OXNAD1: variants seen among roughly 807,000 people sequenced by gnomAD.
OXNAD1 encodes the protein oxidoreductase NAD-binding domain-containing protein 1.
Under a neutral mutation model 32.9 loss-of-function variants are expected in OXNAD1, and 34 were observed. That is an observed-to-expected ratio of 1.03 (90% CI 0.79 to 1.38). The LOEUF (loss-of-function observed/expected upper bound fraction) is 1.38. Ranked by LOEUF, OXNAD1 falls within the 40% of genes most tolerant of loss-of-function variation. OXNAD1 has a pLI of 0.00. For missense variants in OXNAD1, 407 were observed against 379.4 expected (o/e 1.07, Z -0.60); for synonymous variants, 134 against 135.2 (o/e 0.99, Z 0.06).
rs1276574586 is a variant in OXNAD1 at position 16,297,785 on chromosome 3, TATA to T, written c.432+2791_432+2793del. 6.6e-6 allele frequency among the ~76,000 whole-genome samples: 1 copy of T among 152,194 alleles called. No individual in the cohort carries two copies. Among genetic ancestry groups the T allele is most frequent in the Non-Finnish European group, 1.5e-5 (1 of 68,034 alleles). ...TTTGTCACATTCTGGAAGACAAAGATATAATGATGGGAAACCAGTGGTTGACTG... is the reference window on the plus strand; with the variant it reads ...TTTGTCACATTCTGGAAGACAAAGATATGATGGGAAACCAGTGGTTGACTG... On this transcript the variant is annotated intron_variant, in intron 6 of 8. Transcript: ENST00000285083. The surrounding 1 kb of genome is among the most constrained non-coding windows in gnomAD (Gnocchi z 4.3).
Position 16,299,277 on chromosome 3 carries a change from G to A in OXNAD1, c.433-2349G>A, listed in dbSNP as rs1016829681. Among the ~76,000 whole-genome samples, 4 of 152,204 alleles carry A rather than the reference G, an allele frequency of 2.6e-5. No homozygotes were observed. The highest frequency in any genetic ancestry group is 7.2e-5 in the African/African-American group (3 of 41,440). ...ATAGGAGATGAAATTCATTGTCATC[G>A]TTAGGCAGAGCCTCTTGTATCTTAA... On this transcript the variant is annotated intron_variant, in intron 6 of 8. Transcript: ENST00000285083. The surrounding 1 kb of genome is among the most constrained non-coding windows in gnomAD (Gnocchi z 4.4).
At chr3:16,328,437 A>G (rs1021720085) in intron 9 of OXNAD1, among the ~76,000 whole-genome samples, 2 of 152,246 alleles carry the variant, frequency 1.3e-5, no homozygotes, top group Admixed American at 6.5e-5. Flanking sequence ...TGGAAGGCAG[A>G]GGAGGAACAA....
In OXNAD1 at chr3:16,316,120, T is replaced by C. The variant is rs946691569; in HGVS notation, c.*30+12528T>C. 4 of 152,956 alleles carry C rather than the reference T, an allele frequency of 2.6e-5. No individual in the cohort carries two copies. The Admixed American group carries it at 2.6e-4, about 10-fold the overall frequency. 9.5% of individuals were successfully genotyped at this position (152,956 alleles called of 1,614,324 possible). ...AGTGACAGAAGTAATGTGGTTTGTA[T>C]GATGTGCTGAGTACAAAACCTTTAA... is the stretch of plus-strand genomic sequence containing the variant. On this transcript the variant is annotated intron_variant, in intron 9 of 9. Coordinates refer to the OXNAD1 transcript ENST00000435829. This position sits in a 1 kb window ranked among gnomAD's most constrained non-coding sequence, Gnocchi z 4.5.
At chr3:16,283,268 C>G (rs1311290423) in intron 4 of OXNAD1, among the ~76,000 whole-genome samples, 3 of 152,100 alleles carry the variant, frequency 2.0e-5, no homozygotes, top group Non-Finnish European at 4.4e-5. Flanking sequence ...GCACCATGCT[C>G]AATAAGTGTT....
At chr3:16,326,547 C>T (rs1441534243) in intron 9 of OXNAD1, among the ~76,000 whole-genome samples, 1 of 152,200 alleles carries the variant, frequency 6.6e-6, no homozygotes, top group African/African-American at 2.4e-5. Context: ...GCAGTAATGA[C>T]TCACAGGGCC....
chr3:16,336,674 T>A lies in OXNAD1; in HGVS notation c.*31-438T>A, dbSNP rs55956042. On this transcript the variant is annotated intron_variant, in intron 9 of 9. Transcript: ENST00000435829. The surrounding 1 kb of genome is among the most constrained non-coding windows in gnomAD (Gnocchi z 6.0). ...GTTCAAAGAGAATAATTTTTTTTTT[T>A]TAAAAAAGCTTAGTTCTTAGATGCA... Among the ~76,000 whole-genome samples the A allele has an allele frequency of 0.058, 8,749 of 152,122 alleles. 260 individuals are homozygous for A. Among genetic ancestry groups the A allele is most frequent in the Middle Eastern group, 0.095 (28 of 294 alleles).
chr3:16,269,991 G>A (rs2064813171), intron 2 of OXNAD1, among the ~76,000 whole-genome samples: 1 of 152,200 alleles, frequency 6.6e-6, no homozygotes, highest in African/African-American at 2.4e-5. Context: ...CTCCTAATCA[G>A]TGCTTTTCTT....
chr3:16,281,274 C>T (rs1181254706), intron 4 of OXNAD1, among the ~76,000 whole-genome samples: 1 of 152,070 alleles, frequency 6.6e-6, no homozygotes, highest in East Asian at 1.9e-4. Context: ...TTTTATGTTC[C>T]AGATATAGAT....
At chr3:16,333,726 GA>G (rs930636954) in intron 9 of OXNAD1, among the ~76,000 whole-genome samples, 7 of 150,814 alleles carry the variant, frequency 4.6e-5, no homozygotes, top group African/African-American at 9.7e-5. Flanking sequence ...TCATATTACA[GA>G]AAAAAAAGGG....
intron 1 of OXNAD1, among the ~76,000 whole-genome samples, chr3:16,268,032 C>T (rs141972567): frequency 1.7e-4 from 26 of 152,276 alleles, no homozygotes; most frequent in African/African-American, 6.0e-4. Flanking sequence ...TGTGAGGATA[C>T]AGACATTGAT....
At chr3:16,307,171 C>T (rs889207401), downstream of OXNAD1, among the ~76,000 whole-genome samples, 5 of 152,172 alleles carry the variant, frequency 3.3e-5, no homozygotes, top group Non-Finnish European at 7.3e-5. Flanking sequence ...AACCTTTAGA[C>T]GACCAGTGAG....
At chr3:16,274,289 G>A (rs890302847) in intron 4 of OXNAD1, among the ~76,000 whole-genome samples, 6 of 151,850 alleles carry the variant, frequency 4.0e-5, no homozygotes, top group East Asian at 1.9e-4. Context: ...AGTATGTTAA[G>A]CTTAAATGAC....
Position 16,316,660 on chromosome 3 carries a change from G to C in OXNAD1, c.*30+13068G>C, listed in dbSNP as rs2068425495. 2.7e-6 allele frequency: 2 copies of C among 747,128 alleles called. No homozygotes were observed. Among genetic ancestry groups the C allele is most frequent in the Non-Finnish European group, 4.6e-6 (2 of 438,788 alleles). The allele number at this position is 747,128 out of a possible 1,614,324, so 46.3% of individuals were successfully genotyped here. A position where few individuals can be genotyped will look rare whatever the true frequency, so the allele number is the denominator to read the frequency against. ...CAGTGGATGTGCAAAAACCAACACTGTCAGGAACCTGGCCCTGGGAGGGCT... is the reference window on the plus strand; with the variant it reads ...CAGTGGATGTGCAAAAACCAACACTCTCAGGAACCTGGCCCTGGGAGGGCT... On this transcript the variant is annotated intron_variant, in intron 9 of 9. Transcript: ENST00000435829. This position sits in a 1 kb window ranked among gnomAD's most constrained non-coding sequence, Gnocchi z 4.5.
rs2067321357 is a variant in OXNAD1, at chr3:16,303,382, T to G, written c.785-26T>G. ...CTGATACAACCATGTCTGGCTTAAT[T>G]TGGTGTTTATTCTGGTTTTTGGTAG... On this transcript the variant is annotated intron_variant, in intron 8 of 8. Transcript: ENST00000285083. This position sits in a 1 kb window ranked among gnomAD's most constrained non-coding sequence, Gnocchi z 4.8. 1 of 1,611,460 alleles carries G rather than the reference T, an allele frequency of 6.2e-7. No homozygotes were observed. Among genetic ancestry groups the G allele is most frequent in the Non-Finnish European group, 8.5e-7 (1 of 1,178,404 alleles).
At chr3:16,306,414 C>T (rs2067564491), downstream of OXNAD1, among the ~76,000 whole-genome samples, 1 of 152,144 alleles carries the variant, frequency 6.6e-6, no homozygotes, top group Non-Finnish European at 1.5e-5. Flanking sequence ...AGATACATCA[C>T]CTCAGCACAA....
At chr3:16,300,355 A>G (rs1254720525) in intron 6 of OXNAD1, among the ~76,000 whole-genome samples, 1 of 152,262 alleles carries the variant, frequency 6.6e-6, no homozygotes, top group East Asian at 1.9e-4. Flanking sequence ...ATTCCTAAAC[A>G]TAGAATCACC....
rs1318767764 is a variant in OXNAD1, at chr3:16,302,828, A to G, written c.784+80A>G. The G allele has an allele frequency of 8.5e-6, 9 of 1,053,250 alleles. No homozygotes were observed. Among genetic ancestry groups the G allele is most frequent in the Non-Finnish European group, 1.3e-5 (9 of 701,634 alleles). The allele number at this position is 1,053,250 out of a possible 1,614,324, so 65.2% of individuals were successfully genotyped here. A position where few individuals can be genotyped will look rare whatever the true frequency, so the allele number is the denominator to read the frequency against. On this transcript the variant is annotated intron_variant, in intron 8 of 8. Transcript: ENST00000285083. The surrounding 1 kb of genome is among the most constrained non-coding windows in gnomAD (Gnocchi z 4.2). Reference sequence around the variant, plus strand: ...CCAGTTGGTTGAGCGTAGATGCTTTATTGTTGGAAGCTGCTGGCTGGGAAT... The same window carrying G: ...CCAGTTGGTTGAGCGTAGATGCTTTGTTGTTGGAAGCTGCTGGCTGGGAAT...
chr3:16,317,030 A>T lies in OXNAD1; in HGVS notation c.*30+13438A>T. 3 of 1,613,622 alleles carry T rather than the reference A, an allele frequency of 1.9e-6. No individual in the cohort carries two copies. Among genetic ancestry groups the T allele is most frequent in the Non-Finnish European group, 2.5e-6 (3 of 1,179,888 alleles). ...CAGCTGTTCTCCCTTGTCCTCTTGGACAGGGCCCTTCATCTCCTCGGAGAC... is the reference window on the plus strand; with the variant it reads ...CAGCTGTTCTCCCTTGTCCTCTTGGTCAGGGCCCTTCATCTCCTCGGAGAC... On this transcript the variant is annotated intron_variant, in intron 9 of 9. Coordinates refer to the OXNAD1 transcript ENST00000435829. The surrounding 1 kb of genome is among the most constrained non-coding windows in gnomAD (Gnocchi z 4.3).
At position 16,268,313 on chromosome 3, in the gene OXNAD1, C is replaced by CTTTTTT. The variant is rs531751365; in HGVS notation, c.-158-785_-158-780dup. Among the ~76,000 whole-genome samples, 60 of 61,000 alleles carry CTTTTTT rather than the reference C, an allele frequency of 9.8e-4. 8 individuals are homozygous for CTTTTTT. The highest frequency in any genetic ancestry group is 1.5e-3 in the Non-Finnish European group (46 of 30,412). The allele number at this position is 61,000 out of a possible 152,430, so 40.0% of individuals were successfully genotyped here. A position where few individuals can be genotyped will look rare whatever the true frequency, so the allele number is the denominator to read the frequency against. ...AATCTTAGGATTTTAAAGAGAACTC[C>CTTTTTT]TTTTTTTTTTTTTTTTTTTTTTTTT... is the stretch of plus-strand genomic sequence containing the variant. On this transcript the variant is annotated intron_variant, in intron 1 of 8. Transcript: ENST00000285083.
Sources: gnomAD v4.1 joint callset for allele counts (sites outside exome capture counted in the v4.1 genomes callset) on GRCh38, gnomAD v4.1.1 for gene constraint, Gnocchi (gnomAD v3.1) non-coding constraint, MANE v1.5 for transcripts, NCBI Gene and HGNC (gene_info 2026-07-23, HGNC 2026-07-21) for gene names.